The following AGAP2 variants were observed in gnomAD, a reference collection of about 807,000 sequenced individuals.
AGAP2 encodes the protein arf-GAP with GTPase, ANK repeat and PH domain-containing protein 2.
A neutral mutation model predicts 110.9 loss-of-function variants in AGAP2; 32 were observed. The observed-to-expected ratio is 0.29, with a 90% CI of 0.22 to 0.39. The LOEUF is 0.39. Ranked by LOEUF, AGAP2 falls within the 10% of genes least tolerant of loss-of-function variation. AGAP2 has a pLI of 1.00. For missense variants in AGAP2, 1,285 were observed against 1,638.5 expected (o/e 0.78, Z 3.72); for synonymous variants, 702 against 713.0 (o/e 0.98, Z 0.25).
downstream of AGAP2, chr12:57,724,649 G>C (rs915120262): frequency 6.6e-6 from 1 of 152,218 alleles, no homozygotes; most frequent in African/African-American, 2.4e-5. Context: ...GACGAGGCCA[G>C]GGGAGGAACC....
At position 57,729,704 on chromosome 12, in the gene AGAP2, T is replaced by C. The variant is rs1954847251; in HGVS notation, c.2492A>G (p.Lys831Arg). Reference protein sequence around the residue: ...SREPPPSPMVKKQRRKKLTTP... With the variant: ...SREPPPSPMVRKQRRKKLTTP... ...TGTCAATTTTTTCCTCCTCTGCTTCTTCACCATGGGAGAAGGAGGGGGTTC... is the reference window on the plus strand; with the variant it reads ...TGTCAATTTTTTCCTCCTCTGCTTCCTCACCATGGGAGAAGGAGGGGGTTC... The change falls in exon 13 of 19, where the codon AAG becomes AGG. Residue 831 changes from lysine to arginine, a missense_variant. Transcript: ENST00000547588. 6.2e-7 allele frequency: 1 copy of C among 1,613,766 alleles called. No individual in the cohort carries two copies. The highest frequency in any genetic ancestry group is 1.3e-5 in the African/African-American group (1 of 74,868).
upstream of AGAP2, among the ~76,000 whole-genome samples, chr12:57,739,545 G>T (rs560045668): frequency 6.6e-6 from 1 of 152,148 alleles, no homozygotes; most frequent in Non-Finnish European, 1.5e-5. Context: ...TAAGTCAAAG[G>T]CTCCAGCTCT....
rs918673169 is a variant in AGAP2 at position 57,728,514 on chromosome 12, G to A, written c.2558-137C>T. On this transcript the variant is annotated intron_variant, in intron 13 of 18. Coordinates refer to ENST00000547588, the MANE Select transcript of AGAP2 (RefSeq NM_001122772.3). ...TGACAGAGTGCCAGAGACAAAGCAGGACAGACAGATGGGGAGAGAAAGCAG... is the reference window on the plus strand; with the variant it reads ...TGACAGAGTGCCAGAGACAAAGCAGAACAGACAGATGGGGAGAGAAAGCAG... 8 of 890,740 alleles carry A rather than the reference G, an allele frequency of 9.0e-6. No homozygotes were observed. The African/African-American group carries it at 1.3e-4, about 15-fold the overall frequency. The allele number at this position is 890,740 out of a possible 1,614,324, so 55.2% of individuals were successfully genotyped here.
rs142813306 is a variant in AGAP2 at position 57,734,644 on chromosome 12, C to G, written c.1263G>C (p.Ser421=). 6.2e-7 allele frequency: 1 copy of G among 1,614,026 alleles called. No homozygotes were observed. Among genetic ancestry groups the G allele is most frequent in the East Asian group, 2.2e-5 (1 of 44,898 alleles). ...AGCCAGTCAGGAATCGGTGGATGAG[C>G]GATGACTTCCCACTCCTGGCATCGC... is the stretch of plus-strand genomic sequence containing the variant. ...VLGDARSGKS[S]LIHRFLTGSY... Residue 421 remains serine (S), a synonymous_variant, in exon 3 of 19, where the codon TCG becomes TCC. Coordinates refer to ENST00000547588, the MANE Select transcript of AGAP2 (RefSeq NM_001122772.3).
At position 57,731,788 on chromosome 12, in the gene AGAP2, C is replaced by T. The variant is rs746314042; in HGVS notation, c.1953+21G>A. Reference sequence around the variant, plus strand: ...TCATGGGGGACAGGAGGATGGGGGTCAGCATGTCCATGTCCAATACCGCAA... The same window carrying T: ...TCATGGGGGACAGGAGGATGGGGGTTAGCATGTCCATGTCCAATACCGCAA... On this transcript the variant is annotated intron_variant, in intron 8 of 18. Transcript: ENST00000547588. The T allele has an allele frequency of 9.0e-6, 14 of 1,555,832 alleles. No homozygotes were observed. In the Admixed American group the frequency reaches 2.5e-4, roughly 28 times the overall value.
chr12:57,731,680 A>C (rs1954888291), intron 8 of AGAP2, 38 bp from the exon 9 acceptor site: 2 of 1,612,926 alleles, frequency 1.2e-6, no homozygotes, highest in South Asian at 2.2e-5. Flanking sequence ...GGATGGATAG[A>C]GGGATACACT....
At position 57,728,012 on chromosome 12, in the gene AGAP2, C is replaced by T. The variant is rs377325721; in HGVS notation, c.2691G>A (p.Glu897=). ...TWHFEAASFE[E]RDAWVQAIES... ...CGATGGCCTGGACCCAGGCATCCCGCTCCTCAAAACTGGCTGCCTCAAAGT... is the reference window on the plus strand; with the variant it reads ...CGATGGCCTGGACCCAGGCATCCCGTTCCTCAAAACTGGCTGCCTCAAAGT... The change falls in exon 15 of 19, where the codon GAG becomes GAA. Residue 897 remains glutamate (E), a synonymous_variant. Coordinates refer to ENST00000547588, the MANE Select transcript of AGAP2 (RefSeq NM_001122772.3). The T allele has an allele frequency of 3.1e-6, 5 of 1,613,892 alleles. No homozygotes were observed. Among genetic ancestry groups the T allele is most frequent in the Non-Finnish European group, 4.2e-6 (5 of 1,179,818 alleles).
rs1443116777 is a variant in AGAP2, at chr12:57,737,134, C to T, written c.1113G>A (p.Leu371=). The change falls in exon 1 of 19, where the codon CTG becomes CTA. Residue 371 remains leucine, a synonymous_variant. Coordinates refer to ENST00000547588, the MANE Select transcript of AGAP2 (RefSeq NM_001122772.3). This position sits in a 1 kb window ranked among gnomAD's most constrained non-coding sequence, Gnocchi z 5.9. ...GSGPLPGPPS[L]SSGSGSRELL... ...GCTCCCTGGACCCGCTGCCAGAAGA[C>T]AGGCTGGGGGGTCCGGGAAGGGGCC... The T allele has an allele frequency of 3.2e-6, 5 of 1,567,672 alleles. No homozygotes were observed. The African/African-American group carries it at 5.4e-5, about 17-fold the overall frequency.
upstream of AGAP2, among the ~76,000 whole-genome samples, chr12:57,740,789 G>C (rs866258273): frequency 1.3e-5 from 2 of 152,152 alleles, no homozygotes; most frequent in Admixed American, 6.5e-5. Flanking sequence ...AGGGGCACTA[G>C]CCTCCGAAGA....
At chr12:57,727,653 A>G (rs1261504790) in intron 16 of AGAP2, 28 bp downstream of exon 16, 4 of 1,595,298 alleles carry the variant, frequency 2.5e-6, no homozygotes, top group Non-Finnish European at 2.6e-6. Context: ...TACACTCCCT[A>G]GCCCCTCCGC....
Position 57,737,528 on chromosome 12 carries a change from G to C in AGAP2, c.719C>G (p.Ala240Gly), listed in dbSNP as rs1192148034. ...TGASVSAAAT[A>G]AAAGGGGSTA... ...AGAGCCCCCTCCCCCGGCGGCGGCGGCGGTGGCGGCGGCAGAGACCGAAGC... is the reference window on the plus strand; with the variant it reads ...AGAGCCCCCTCCCCCGGCGGCGGCGCCGGTGGCGGCGGCAGAGACCGAAGC... The change falls in exon 1 of 19, where the codon GCC becomes GGC. Residue 240 changes from alanine to glycine, a missense_variant. Coordinates refer to ENST00000547588, the MANE Select transcript of AGAP2 (RefSeq NM_001122772.3). The surrounding 1 kb of genome is among the most constrained non-coding windows in gnomAD (Gnocchi z 5.9). 4 of 1,563,186 alleles carry C rather than the reference G, an allele frequency of 2.6e-6. No individual in the cohort carries two copies. In the East Asian group the frequency reaches 7.1e-5, roughly 28 times the overall value.
rs1182818492 is a variant in AGAP2 at position 57,737,741 on chromosome 12, G to A, written c.506C>T (p.Pro169Leu). 2 of 1,542,082 alleles carry A rather than the reference G, an allele frequency of 1.3e-6. No homozygotes were observed. Among genetic ancestry groups the A allele is most frequent in the Middle Eastern group, 1.7e-4 (1 of 5,758 alleles). Reference sequence around the variant, plus strand: ...CCTCCGGCTGCCGGTGCCAGGGTGCGGAGAGGATGAGCCAGGGATGCCGCC... The same window carrying A: ...CCTCCGGCTGCCGGTGCCAGGGTGCAGAGAGGATGAGCCAGGGATGCCGCC... ...AGGGIPGSSS[P>L]HPGTGSRRLK... Residue 169 changes from proline (P) to leucine (L), a missense_variant, in exon 1 of 19, where the codon CCG becomes CTG. By Grantham distance (98) the Pro-to-Leu change is moderately conservative (BLOSUM62 -3). This residue lies in a region of AGAP2 where 844 missense variants were observed against 941.2 expected (regional missense o/e 0.90). Transcript: ENST00000547588. The surrounding 1 kb of genome is among the most constrained non-coding windows in gnomAD (Gnocchi z 5.9).
rs1232864052 is a variant in AGAP2 at position 57,735,434 on chromosome 12, C to T, written c.1169-7G>A. On this transcript the variant is annotated splice_polypyrimidine_tract_variant and splice_region_variant and intron_variant, in intron 1 of 18. Coordinates refer to ENST00000547588, the MANE Select transcript of AGAP2 (RefSeq NM_001122772.3). Reference sequence around the variant, plus strand: ...TGGCTATTGATCACAGCCTCTGTAACGGGAGAAGGGCAGTAAGAGGGGAGG... The same window carrying T: ...TGGCTATTGATCACAGCCTCTGTAATGGGAGAAGGGCAGTAAGAGGGGAGG... The T allele has an allele frequency of 1.2e-6, 2 of 1,613,154 alleles. No individual in the cohort carries two copies. Among genetic ancestry groups the T allele is most frequent in the East Asian group, 2.2e-5 (1 of 44,866 alleles).
In AGAP2 at chr12:57,727,580, G is replaced by T; in HGVS notation, c.2860C>A (p.Pro954Thr). The T allele has an allele frequency of 6.2e-7, 1 of 1,603,546 alleles. No individual in the cohort carries two copies. Residue 954 changes from proline (P) to threonine (T), a missense_variant and splice_region_variant, in exon 17 of 19, where the codon CCC becomes ACC. By Grantham distance (38) the Pro-to-Thr change is conservative. Coordinates refer to ENST00000547588, the MANE Select transcript of AGAP2 (RefSeq NM_001122772.3). ...SICVDCGAPN[P>T]TWASLNLGAL... is the part of the protein sequence containing the mutation. ...CCCAGGTTCAAGCTGGCCCACGTGG[G>T]GTCTGCGGAAGGAGCGTAGAGGTCG...
At position 57,732,889 on chromosome 12, in the gene AGAP2, G is replaced by A; in HGVS notation, c.1640C>T (p.Thr547Ile). 1 of 1,614,058 alleles carries A rather than the reference G, an allele frequency of 6.2e-7. No homozygotes were observed. Among genetic ancestry groups the A allele is most frequent in the South Asian group, 1.1e-5 (1 of 91,082 alleles). ...CACATTGAGCCCATAGGTTGCACAA[G>A]TCTCATAGTAGCTGCAGCGTTTCAT... ...ADMKRCSYYE[T>I]CATYGLNVDR... Residue 547 changes from threonine (T) to isoleucine (I), a missense_variant, in exon 6 of 19, where the codon ACT becomes ATT. This residue lies in a region of AGAP2 where 844 missense variants were observed against 941.2 expected (regional missense o/e 0.90). Coordinates refer to ENST00000547588, the MANE Select transcript of AGAP2 (RefSeq NM_001122772.3).
Position 57,733,956 on chromosome 12 carries a change from T to G in AGAP2, c.1549+70A>C, listed in dbSNP as rs1024889078. 3.3e-6 allele frequency: 5 copies of G among 1,497,126 alleles called. No individual in the cohort carries two copies. The African/African-American group carries it at 7.0e-5, about 21-fold the overall frequency. 92.7% of individuals were successfully genotyped at this position (1,497,126 alleles called of 1,614,324 possible). The stretch of plus-strand genomic sequence containing the variant: ...CCACACCTTACCAAGTTCTCACCCA[T>G]GTTGGGCAATATCCCAGTAGCCTCC... On this transcript the variant is annotated intron_variant, in intron 5 of 18. Coordinates refer to ENST00000547588, the MANE Select transcript of AGAP2 (RefSeq NM_001122772.3).
In AGAP2 at chr12:57,734,064, C is replaced by A; in HGVS notation, c.1511G>T (p.Gly504Val). The change falls in exon 5 of 19, where the codon GGA becomes GTA. Residue 504 changes from glycine to valine, a missense_variant. Gly to Val is a moderately radical substitution (Grantham distance 109). Around this residue, in one of 7 missense-constraint regions of AGAP2, gnomAD observed 844 missense variants for 941.2 expected, o/e 0.90. Coordinates refer to ENST00000547588, the MANE Select transcript of AGAP2 (RefSeq NM_001122772.3). ...HGQLSSLRGE[G>V]RGGLALALVG... ...CAGTGCCAAGGCCAGGCCTCCTCGT[C>A]CCTCCCCGCGAAGGGAACTCAGCTG... The A allele has an allele frequency of 1.2e-6, 2 of 1,611,248 alleles. No individual in the cohort carries two copies. Among genetic ancestry groups the A allele is most frequent in the South Asian group, 1.1e-5 (1 of 90,708 alleles).
Position 57,726,622 on chromosome 12 carries a change from G to A in AGAP2, c.3509C>T (p.Thr1170Met). The A allele has an allele frequency of 8.3e-7, 1 of 1,201,146 alleles. No homozygotes were observed. Among genetic ancestry groups the A allele is most frequent in the Non-Finnish European group, 1.0e-6 (1 of 968,444 alleles). 74.4% of individuals were successfully genotyped at this position (1,201,146 alleles called of 1,614,324 possible). A position where few individuals can be genotyped will look rare whatever the true frequency, so the allele number is the denominator to read the frequency against. ...SAATTPSITA[T>M]PSPRRRSSAA... is the part of the protein sequence containing the mutation. ...GCTGCTCCGGCGGCGGGGGCTGGGC[G>A]TGGCGGTGATGCTGGGCGTGGTGGC... Residue 1170 changes from threonine to methionine, a missense_variant, in exon 19 of 19, where the codon ACG (threonine) becomes ATG (methionine). Thr to Met is a moderately conservative substitution (Grantham distance 81). This residue lies in a region of AGAP2 where 201 missense variants were observed against 276.1 expected (regional missense o/e 0.73). Coordinates refer to ENST00000547588, the MANE Select transcript of AGAP2 (RefSeq NM_001122772.3). The surrounding 1 kb of genome is among the most constrained non-coding windows in gnomAD (Gnocchi z 5.7).
At position 57,727,952 on chromosome 12, in the gene AGAP2, C is replaced by T. The variant is rs1954805598; in HGVS notation, c.2751G>A (p.Glu917=). 2.5e-6 allele frequency: 4 copies of T among 1,614,040 alleles called. No homozygotes were observed. The highest frequency in any genetic ancestry group is 1.3e-5 in the African/African-American group (1 of 74,946). The part of the protein sequence containing the change: ...SQILASLQCC[E]SSKVKLRTDS... ...AAACTCTTACCTTGACCTTGCTGCT[C>T]TCACAGCATTGCAGACTGGCTAGGA... is the stretch of plus-strand genomic sequence containing the variant. The change falls in exon 15 of 19, where the codon GAG becomes GAA. Residue 917 remains glutamate (E), a synonymous_variant. Transcript: ENST00000547588.
Sources: allele counts gnomAD v4.1 joint callset (sites outside exome capture counted in the v4.1 genomes callset), GRCh38; gene constraint gnomAD v4.1.1; regional missense constraint gnomAD v4.1.1; non-coding constraint Gnocchi (gnomAD v3.1); transcripts MANE v1.5; gene names NCBI Gene and HGNC (gene_info 2026-07-23, HGNC 2026-07-21).